MCM10: variants seen among roughly 807,000 people sequenced by gnomAD.
MCM10 encodes minichromosome maintenance 10 replication initiation factor.
A neutral mutation model predicts 109.9 loss-of-function variants in MCM10; 91 were observed. The ratio of observed to expected loss-of-function variants is 0.83; its 90% CI spans 0.70 to 0.99. The LOEUF (loss-of-function observed/expected upper bound fraction) is 0.99. Ranked by LOEUF, MCM10 falls within the 50% of genes least tolerant of loss-of-function variation. MCM10 has a pLI of 0.00. For synonymous variants in MCM10, 380 were observed against 387.2 expected, an observed-to-expected ratio of 0.98 and a Z score of 0.22; for missense variants, 1,077 against 1,061.2, an observed-to-expected ratio of 1.01 and a Z score of -0.21.
intron 2 of MCM10, among the ~76,000 whole-genome samples, chr10:13,168,233 T>A (rs1685620113): frequency 6.6e-6 from 1 of 152,206 alleles, no homozygotes; most frequent in African/African-American, 2.4e-5. Context: ...GGGGGCTGCC[T>A]GGCCTCTTCT....
At chr10:13,199,578 AT>A (rs1360586241) in intron 16 of MCM10, among the ~76,000 whole-genome samples, 2 of 152,248 alleles carry the variant, frequency 1.3e-5, no homozygotes, top group African/African-American at 4.8e-5. Flanking sequence ...TTGAAATAAA[AT>A]TCATAGATAA....
chr10:13,177,042 T>TC (rs1834150526), intron 6 of MCM10, among the ~76,000 whole-genome samples: 1 of 152,132 alleles, frequency 6.6e-6, no homozygotes, highest in Non-Finnish European at 1.5e-5. Flanking sequence ...GGCTTCCTTC[T>TC]CAAGGTAGAG....
At chr10:13,204,990 GTATGTA>G (rs1437623121) in intron 18 of MCM10, among the ~76,000 whole-genome samples, 20 of 118,720 alleles carry the variant, frequency 1.7e-4, no homozygotes, top group African/African-American at 6.4e-4. Flanking sequence ...TCTCATGTAT[GTATGTA>G]TGTATGTATA....
intron 13 of MCM10, among the ~76,000 whole-genome samples, chr10:13,194,729 C>T (rs1231845542): frequency 1.3e-5 from 2 of 152,186 alleles, no homozygotes; most frequent in African/African-American, 4.8e-5. Context: ...ATACAGTTCA[C>T]ACCGCGTCTT....
chr10:13,170,801 A>C, intron 2 of MCM10, 121 bp from the exon 3 acceptor site: 1 of 722,958 alleles, frequency 1.4e-6, no homozygotes, highest in Non-Finnish European at 2.3e-6. Flanking sequence ...TCACCCAGGT[A>C]ATGAGCATTG....
Position 13,188,875 on chromosome 10 carries a change from T to A in MCM10, c.1216-6T>A. ...CATCCTGATGCCACTGCTCTGCCTT[T>A]TGCAGCGTGACTGTGAGTACTGTCA... On this transcript the variant is annotated splice_polypyrimidine_tract_variant and splice_region_variant and intron_variant, in intron 9 of 19. Transcript: ENST00000378714. 1 of 1,613,974 alleles carries A rather than the reference T, an allele frequency of 6.2e-7. No homozygotes were observed.
intron 6 of MCM10, among the ~76,000 whole-genome samples, chr10:13,180,187 G>A (rs1441432623): frequency 1.3e-5 from 2 of 151,944 alleles, no homozygotes; most frequent in Admixed American, 1.3e-4. Flanking sequence ...GGAGGCGGAG[G>A]CCGCAGTGAG....
intron 5 of MCM10, among the ~76,000 whole-genome samples, chr10:13,173,367 G>A (rs1259346495): frequency 6.6e-6 from 1 of 152,066 alleles, no homozygotes; most frequent in Non-Finnish European, 1.5e-5. Flanking sequence ...TTAGAAAATG[G>A]TCAAGTTTTA....
At chr10:13,170,834 AC>A in intron 2 of MCM10, 87 bp from the exon 3 acceptor site, 5 of 1,156,646 alleles carry the variant, frequency 4.3e-6, no homozygotes, top group African/African-American at 1.5e-5. Flanking sequence ...AGTTTCTCTT[AC>A]CCCCATGGGG....
At chr10:13,173,724 C>G (rs1210607614) in intron 5 of MCM10, among the ~76,000 whole-genome samples, 28 of 152,152 alleles carry the variant, frequency 1.8e-4, no homozygotes, top group Admixed American at 1.8e-3. Flanking sequence ...ATTCAGATAT[C>G]CATTCAGGAG....
chr10:13,173,450 G>C (rs949619026), intron 5 of MCM10, among the ~76,000 whole-genome samples: 1 of 152,162 alleles, frequency 6.6e-6, no homozygotes, highest in Non-Finnish European at 1.5e-5. Context: ...GTAGAGGATG[G>C]TATTCAAATA....
intron 5 of MCM10, among the ~76,000 whole-genome samples, chr10:13,173,175 C>T (rs969890055): frequency 2.0e-5 from 3 of 152,128 alleles, no homozygotes; most frequent in African/African-American, 4.8e-5. Context: ...GCACTCCATC[C>T]TGTTCCAGAG....
Position 13,191,346 on chromosome 10 carries a change from A to C in MCM10, c.1463A>C (p.Asn488Thr), listed in dbSNP as rs763652442. 6.2e-7 allele frequency: 1 copy of C among 1,614,064 alleles called. No homozygotes were observed. The highest frequency in any genetic ancestry group is 1.3e-5 in the African/African-American group (1 of 74,924). ...PKKKIQTTLS[N>T]LVVKGTNLII... ...AAGAAGATTCAAACCACTCTGAGTA[A>C]TCTGGTTGTTAAGGGCACAAACTTG... The change falls in exon 11 of 20, where the codon AAT (asparagine) becomes ACT (threonine). Residue 488 changes from asparagine (N) to threonine (T), a missense_variant. Coordinates refer to ENST00000378714, the MANE Select transcript of MCM10 (RefSeq NM_018518.5).
rs774332063 is a variant in MCM10, at chr10:13,175,477, G to A, written c.593-33G>A. ...AATTCCGTTCGTGATTATCAGTGTG[G>A]TTGCCTTTTCATTAATTGTGTTAAT... On this transcript the variant is annotated intron_variant, in intron 5 of 19. Transcript: ENST00000378714. 56 of 1,586,918 alleles carry A rather than the reference G, an allele frequency of 3.5e-5. No individual in the cohort carries two copies. In the Middle Eastern group the frequency reaches 2.7e-3, roughly 75 times the overall value.
At chr10:13,193,060 A>AT (rs34620508) in intron 13 of MCM10, among the ~76,000 whole-genome samples, 1 of 151,670 alleles carries the variant, frequency 6.6e-6, no homozygotes. Flanking sequence ...TAATTTTTGT[A>AT]TTTTTTTATA....
At chr10:13,176,717 T>A (rs1834146425) in intron 6 of MCM10, among the ~76,000 whole-genome samples, 2 of 152,140 alleles carry the variant, frequency 1.3e-5, no homozygotes, top group African/African-American at 4.8e-5. Context: ...GGTAACATAG[T>A]GAGACCTCAT....
Position 13,209,396 on chromosome 10 carries a change from T to A in MCM10, c.*86T>A, listed in dbSNP as rs1197339809. On this transcript the variant is annotated 3_prime_UTR_variant, in exon 20 of 20. Coordinates refer to ENST00000378714, the MANE Select transcript of MCM10 (RefSeq NM_018518.5). ...GATTGGCTGTGTATTGTCCATTGAT[T>A]CCTGATTGACGCCGTCAAAAACAAA... 3.8e-6 allele frequency: 4 copies of A among 1,044,936 alleles called. No individual in the cohort carries two copies. Among genetic ancestry groups the A allele is most frequent in the Non-Finnish European group, 5.8e-6 (4 of 684,362 alleles). The allele number at this position is 1,044,936 out of a possible 1,614,324, so 64.7% of individuals were successfully genotyped here. A position where few individuals can be genotyped will look rare whatever the true frequency, so the allele number is the denominator to read the frequency against.
intron 16 of MCM10, among the ~76,000 whole-genome samples, chr10:13,200,080 C>T (rs1371026744): frequency 6.6e-6 from 1 of 152,174 alleles, no homozygotes; most frequent in Non-Finnish European, 1.5e-5. Flanking sequence ...ATGTTCCCAC[C>T]TCAGCCTCCC....
In MCM10 at chr10:13,210,633, T is replaced by C. The variant is rs1455078596; in HGVS notation, c.*1323T>C. 1 of 152,220 alleles carries C rather than the reference T, an allele frequency of 6.6e-6. No homozygotes were observed. The highest frequency in any genetic ancestry group is 6.5e-5 in the Admixed American group (1 of 15,270). 9.4% of individuals were successfully genotyped at this position (152,220 alleles called of 1,614,324 possible). Reference sequence around the variant, plus strand: ...TTACATGCCTTAGATTTCATAAAATTCTGCTCTAATTGGGTGGAAGGTGCT... The same window carrying C: ...TTACATGCCTTAGATTTCATAAAATCCTGCTCTAATTGGGTGGAAGGTGCT... On this transcript the variant is annotated 3_prime_UTR_variant, in exon 20 of 20. Transcript: ENST00000378714.
Sources: allele counts gnomAD v4.1 joint callset (sites outside exome capture counted in the v4.1 genomes callset), GRCh38; gene constraint gnomAD v4.1.1; transcripts MANE v1.5; gene names NCBI Gene and HGNC (gene_info 2026-07-23, HGNC 2026-07-21).